The following GPC5 variants were observed in gnomAD, a reference collection of about 807,000 sequenced individuals.
GPC5 encodes glypican-5.
Under a neutral mutation model 53.9 loss-of-function variants are expected in GPC5, and 47 were observed. The ratio of observed to expected loss-of-function variants is 0.87; its 90% CI spans 0.69 to 1.11. The LOEUF (loss-of-function observed/expected upper bound fraction) is 1.11. Among genes scored for constraint, GPC5 ranks in the 50% most tolerant of loss-of-function variants. The pLI, the probability that GPC5 is intolerant of heterozygous loss-of-function variation, is 0.00. For missense variants in GPC5, 748 were observed against 713.1 expected, an observed-to-expected ratio of 1.05 and a Z score of -0.56; for synonymous variants, 286 against 263.3, an observed-to-expected ratio of 1.09 and a Z score of -0.84.
At chr13:91,539,537 A>G (rs138975523) in intron 2 of GPC5, among the ~76,000 whole-genome samples, 126 of 152,302 alleles carry the variant, frequency 8.3e-4, no homozygotes, top group African/African-American at 3.0e-3. Flanking sequence ...TTTCCCATCA[A>G]TTAAAATCTC....
In GPC5 at chr13:91,598,896, A is replaced by T. The variant is rs74463813; in HGVS notation, c.326-94291A>T. On this transcript the variant is annotated intron_variant, in intron 2 of 7. Coordinates refer to ENST00000377067, the MANE Select transcript of GPC5 (RefSeq NM_004466.6). The stretch of plus-strand genomic sequence containing the variant: ...AATATTCATCAGAAGGTGAGCTCAA[A>T]ACAAGATTTGCAATACTAGTTAACA... Among the ~76,000 whole-genome samples, 8 of 151,970 alleles carry T rather than the reference A, an allele frequency of 5.3e-5. No individual in the cohort carries two copies. The East Asian group carries it at 1.3e-3, about 26-fold the overall frequency.
chr13:92,671,364 T>C (rs539303410), intron 7 of GPC5, among the ~76,000 whole-genome samples: 1 of 152,326 alleles, frequency 6.6e-6, no homozygotes, highest in Admixed American at 6.5e-5. Flanking sequence ...TTTAAAAGTA[T>C]ACATAATTCA....
intron 6 of GPC5, among the ~76,000 whole-genome samples, chr13:92,127,802 T>C (rs1204362202): frequency 6.6e-6 from 1 of 152,228 alleles, no homozygotes; most frequent in African/African-American, 2.4e-5. Context: ...ATAATGATAA[T>C]GAATTATTCA....
chr13:92,785,010 C>T (rs1157487873), intron 7 of GPC5, among the ~76,000 whole-genome samples: 1 of 152,188 alleles, frequency 6.6e-6, no homozygotes, highest in Admixed American at 6.5e-5. Context: ...GGCATGGTGG[C>T]TCACGCCTGT....
chr13:92,352,193 A>G (rs931887842), intron 7 of GPC5, among the ~76,000 whole-genome samples: 3 of 152,204 alleles, frequency 2.0e-5, no homozygotes, highest in African/African-American at 7.2e-5. Context: ...AGAAGGGGCT[A>G]TTCCACAAAT....
intron 7 of GPC5, among the ~76,000 whole-genome samples, chr13:92,264,878 CTGTGTGTGTGTGTGTGTGTGTG>C (rs71815584): frequency 5.7e-5 from 6 of 104,718 alleles, no homozygotes; most frequent in East Asian, 5.8e-4. Flanking sequence ...CTCTCTCTCT[CTGTGTGTGTGTGTGTGTGTGTG>C]TGTGTGTGTG....
At chr13:92,468,670 G>GAAACACACAC (rs755160646) in intron 7 of GPC5, among the ~76,000 whole-genome samples, 1 of 152,042 alleles carries the variant, frequency 6.6e-6, no homozygotes, top group Non-Finnish European at 1.5e-5. Flanking sequence ...TAGGATTAAT[G>GAAACACACAC]AAACACACAC....
chr13:91,629,680 G>A (rs2034105840), intron 2 of GPC5, among the ~76,000 whole-genome samples: 1 of 151,954 alleles, frequency 6.6e-6, no homozygotes, highest in Non-Finnish European at 1.5e-5. Context: ...AGAGGACTAG[G>A]ACTTAAAAGG....
chr13:92,471,367 A>G (rs1409795134), intron 7 of GPC5, among the ~76,000 whole-genome samples: 1 of 152,084 alleles, frequency 6.6e-6, no homozygotes, highest in Non-Finnish European at 1.5e-5. Flanking sequence ...TGCACCTGTG[A>G]GCAACAGCCT....
chr13:91,786,422 CTTTT>C (rs1167143556), intron 5 of GPC5, among the ~76,000 whole-genome samples: 1 of 152,148 alleles, frequency 6.6e-6, no homozygotes, highest in Non-Finnish European at 1.5e-5. Flanking sequence ...ACTCACTTTG[CTTTT>C]TTGTTACCTG....
chr13:92,462,118 C>A (rs1878508573), intron 7 of GPC5, among the ~76,000 whole-genome samples: 1 of 152,130 alleles, frequency 6.6e-6, no homozygotes, highest in Non-Finnish European at 1.5e-5. Context: ...GAAAAGTGGG[C>A]ATTTAATCAG....
intron 7 of GPC5, among the ~76,000 whole-genome samples, chr13:92,519,602 C>T (rs1880946179): frequency 6.6e-6 from 1 of 152,052 alleles, no homozygotes; most frequent in Non-Finnish European, 1.5e-5. Flanking sequence ...CACAACATAC[C>T]AGAATCTCTG....
intron 2 of GPC5, among the ~76,000 whole-genome samples, chr13:91,560,365 C>T (rs902898728): frequency 5.3e-5 from 8 of 152,072 alleles, no homozygotes; most frequent in Admixed American, 4.6e-4. Context: ...GTCCTCCAGA[C>T]TATAGGGGAT....
intron 1 of GPC5, among the ~76,000 whole-genome samples, chr13:91,408,249 T>C (rs917060134): frequency 3.3e-5 from 5 of 152,116 alleles, no homozygotes; most frequent in African/African-American, 2.4e-5. Flanking sequence ...TAATCACCAT[T>C]CTCCTCTCTC....
chr13:92,817,975 A>C (rs1877534371), intron 7 of GPC5, among the ~76,000 whole-genome samples: 1 of 151,654 alleles, frequency 6.6e-6, no homozygotes, highest in Non-Finnish European at 1.5e-5. Flanking sequence ...CCACCTGGGT[A>C]ATGGGTAATG....
intron 2 of GPC5, among the ~76,000 whole-genome samples, chr13:91,541,277 T>C (rs2029911059): frequency 6.6e-6 from 1 of 152,188 alleles, no homozygotes; most frequent in Admixed American, 6.5e-5. Context: ...TTCTACTGTG[T>C]GCAGTTAATT....
At chr13:91,571,816 T>TGTGTGTATATATACACACACATAC (rs1293635302) in intron 2 of GPC5, among the ~76,000 whole-genome samples, 4 of 108,626 alleles carry the variant, frequency 3.7e-5, no homozygotes, top group African/African-American at 1.9e-4. Context: ...CACACATACG[T>TGTGTGTATATATACACACACATAC]GTGTGTATAT....
At chr13:92,245,473 T>C (rs900001099) in intron 7 of GPC5, among the ~76,000 whole-genome samples, 4 of 152,204 alleles carry the variant, frequency 2.6e-5, no homozygotes, top group Non-Finnish European at 5.9e-5. Context: ...ATTATATTCC[T>C]AATAACTAGT....
Position 92,866,378 on chromosome 13 carries a change from C to A in GPC5, c.1658C>A (p.Ala553Glu). The A allele has an allele frequency of 6.2e-7, 1 of 1,612,550 alleles. No homozygotes were observed. Among genetic ancestry groups the A allele is most frequent in the Non-Finnish European group, 8.5e-7 (1 of 1,179,014 alleles). The change falls in exon 8 of 8, where the codon GCG becomes GAG. Residue 553 changes from alanine (A) to glutamate (E), a missense_variant. Coordinates refer to ENST00000377067, the MANE Select transcript of GPC5 (RefSeq NM_004466.6). ...LDTTGAGCAV[A>E]TESMTFTLIS... Reference sequence around the variant, plus strand: ...ACAACAGGAGCAGGATGTGCAGTGGCGACTGAATCTATGACATTCACTCTG... The same window carrying A: ...ACAACAGGAGCAGGATGTGCAGTGGAGACTGAATCTATGACATTCACTCTG...
Sources: allele counts gnomAD v4.1 joint callset (sites outside exome capture counted in the v4.1 genomes callset), GRCh38; gene constraint gnomAD v4.1.1; transcripts MANE v1.5; gene names NCBI Gene and HGNC (gene_info 2026-07-23, HGNC 2026-07-21).